The following RASA3 variants were observed in gnomAD, a reference collection of about 807,000 sequenced individuals.
The protein encoded by RASA3 is RAS p21 protein activator 3.
In RASA3, 73 loss-of-function variants were observed where a neutral mutation model predicts 110.0. That is an observed-to-expected ratio of 0.66 (90% CI 0.55 to 0.81). RASA3 has a LOEUF of 0.81. Among genes scored for constraint, RASA3 ranks in the 30% least tolerant of loss-of-function variants. The pLI, the probability that RASA3 is intolerant of heterozygous loss-of-function variation, is 0.00. For missense variants in RASA3, 976 were observed against 1,113.2 expected (o/e 0.88, Z 1.75); for synonymous variants, 500 against 451.4 (o/e 1.11, Z -1.37).
intron 1 of RASA3, among the ~76,000 whole-genome samples, chr13:114,111,235 C>G (rs113690280): frequency 2.6e-4 from 4 of 15,460 alleles, no homozygotes; most frequent in Non-Finnish European, 4.6e-4. Context: ...AGCTGCAGGC[C>G]GAGTTCTAAC....
At chr13:113,993,954 G>A (rs903756048) in intron 21 of RASA3, among the ~76,000 whole-genome samples, 3 of 152,106 alleles carry the variant, frequency 2.0e-5, no homozygotes, top group South Asian at 2.1e-4. Flanking sequence ...TGATAGGAAC[G>A]CGCGGGGCTG....
chr13:114,076,429 C>G (rs1052535993), intron 1 of RASA3, among the ~76,000 whole-genome samples: 1 of 152,116 alleles, frequency 6.6e-6, no homozygotes, highest in African/African-American at 2.4e-5. Context: ...GGCCTCAGGT[C>G]GGTCATCCCA....
chr13:114,098,703 G>A (rs1006315424), intron 1 of RASA3, among the ~76,000 whole-genome samples: 1 of 152,118 alleles, frequency 6.6e-6, no homozygotes, highest in African/African-American at 2.4e-5. Context: ...CCCAGACCCA[G>A]GGAAGAAGGA....
Position 114,013,186 on chromosome 13 carries a change from C to A in RASA3, c.1468G>T (p.Ala490Ser), listed in dbSNP as rs774825655. The change falls in exon 15 of 24, where the codon GCC (alanine) becomes TCC (serine). Residue 490 changes from alanine to serine, a missense_variant. Ala to Ser is a moderately conservative substitution (Grantham distance 99, BLOSUM62 1). Coordinates refer to ENST00000334062, the MANE Select transcript of RASA3 (RefSeq NM_007368.4). ...SFIFLRFFAP[A>S]ILSPNLFQLT... ...TGGAAGAGGTTGGGGGAGAGAATGG[C>A]GGGCGCAAAGAACCTCAGGAAGATG... The A allele has an allele frequency of 5.0e-6, 8 of 1,613,390 alleles. No homozygotes were observed. The highest frequency in any genetic ancestry group is 6.8e-6 in the Non-Finnish European group (8 of 1,179,736).
chr13:114,026,827 C>T (rs1262806629), intron 7 of RASA3, among the ~76,000 whole-genome samples: 4 of 152,230 alleles, frequency 2.6e-5, no homozygotes, highest in South Asian at 4.1e-4. Context: ...CCTCACTCCA[C>T]GAGATGCAGC....
chr13:114,106,853 G>A (rs889528036), intron 1 of RASA3, among the ~76,000 whole-genome samples: 7 of 152,206 alleles, frequency 4.6e-5, no homozygotes, highest in African/African-American at 4.8e-5. Context: ...AAAGCTCTGC[G>A]TATGTTTAAA....
chr13:114,054,857 C>G (rs2079211099), intron 2 of RASA3, among the ~76,000 whole-genome samples: 1 of 152,264 alleles, frequency 6.6e-6, no homozygotes, highest in Admixed American at 6.5e-5. Flanking sequence ...GTCGTTGACG[C>G]AGCGAGCCAT....
At chr13:114,058,712 G>A (rs746563164) in intron 2 of RASA3, among the ~76,000 whole-genome samples, 21 of 152,210 alleles carry the variant, frequency 1.4e-4, no homozygotes, top group South Asian at 2.1e-4. Flanking sequence ...GGACTATGCC[G>A]ACCCGCAGTC....
Position 114,007,474 on chromosome 13 carries a change from G to A in RASA3, c.1742+59C>T, listed in dbSNP as rs369105248. The A allele has an allele frequency of 1.1e-3, 1,085 of 958,002 alleles. 254 individuals carry two copies. In the South Asian group the frequency reaches 0.015, roughly 13 times the overall value. 59.3% of individuals were successfully genotyped at this position (958,002 alleles called of 1,614,324 possible). On this transcript the variant is annotated intron_variant, in intron 18 of 23. Coordinates refer to ENST00000334062, the MANE Select transcript of RASA3 (RefSeq NM_007368.4). ...TACCCTTCTCCCCTCCTGCCCTGCT[G>A]GACACCACCTTACCCTTCTCCCCTC... is the stretch of plus-strand genomic sequence containing the variant.
chr13:114,087,161 G>A (rs2079829876), intron 1 of RASA3, among the ~76,000 whole-genome samples: 2 of 100,620 alleles, frequency 2.0e-5, no homozygotes, highest in South Asian at 4.1e-4. Context: ...CTTCGTCCTC[G>A]CGGGGAAATC....
intron 4 of RASA3, among the ~76,000 whole-genome samples, chr13:114,037,637 G>A (rs2054303390): frequency 6.6e-6 from 1 of 152,188 alleles, no homozygotes; most frequent in Non-Finnish European, 1.5e-5. Flanking sequence ...CTATACCACT[G>A]AATTGGACAT....
Position 114,055,110 on chromosome 13 carries a change from G to C in RASA3, c.174-2955C>G, listed in dbSNP as rs1344315505. On this transcript the variant is annotated intron_variant, in intron 2 of 23. Coordinates refer to ENST00000334062, the MANE Select transcript of RASA3 (RefSeq NM_007368.4). ...TGTGCATGTGTGTGCCCGTATGTGT[G>C]TCCCCACAGGCAGGTGTGCATGTTC... Among the ~76,000 whole-genome samples the C allele has an allele frequency of 2.6e-5, 4 of 151,850 alleles. No homozygotes were observed. In the East Asian group the frequency reaches 7.7e-4, roughly 29 times the overall value.
At chr13:113,993,211 C>T (rs554123729) in intron 21 of RASA3, among the ~76,000 whole-genome samples, 1 of 152,116 alleles carries the variant, frequency 6.6e-6, no homozygotes, top group Non-Finnish European at 1.5e-5. Flanking sequence ...TTCACACCAG[C>T]ACACGTCAGG....
At chr13:114,070,592 C>A (rs61973920) in intron 2 of RASA3, among the ~76,000 whole-genome samples, 33,295 of 151,164 alleles carry the variant, frequency 0.22, 3,712 homozygotes, top group East Asian at 0.3. Flanking sequence ...GGGCTGCCAG[C>A]GTCCACACTA....
At chr13:114,036,979 C>T (rs1390750342) in intron 4 of RASA3, among the ~76,000 whole-genome samples, 2 of 152,152 alleles carry the variant, frequency 1.3e-5, no homozygotes, top group Non-Finnish European at 2.9e-5. Flanking sequence ...AATGACCTTG[C>T]CTCCTCCCTT....
intron 1 of RASA3, among the ~76,000 whole-genome samples, chr13:114,075,059 G>T (rs1192281237): frequency 6.6e-6 from 1 of 152,146 alleles, no homozygotes; most frequent in African/African-American, 2.4e-5. Flanking sequence ...TGGCAGTGGC[G>T]TCTCCACGAC....
intron 20 of RASA3, among the ~76,000 whole-genome samples, chr13:113,999,250 G>A (rs144179484): frequency 2.0e-5 from 3 of 152,134 alleles, no homozygotes; most frequent in Non-Finnish European, 4.4e-5. Context: ...AATTCCAGAC[G>A]GTCCCAAGCC....
Position 114,065,071 on chromosome 13 carries a change from T to C in RASA3, c.173+8649A>G, listed in dbSNP as rs2079422687. On this transcript the variant is annotated intron_variant, in intron 2 of 23. Transcript: ENST00000334062. This position sits in a 1 kb window ranked among gnomAD's most constrained non-coding sequence, Gnocchi z 4.1. Reference sequence around the variant, plus strand: ...TCACGGGGAAAAAAGAAAAAACCTCTTGCAGAAAACAGAGTTGACCTTTAA... The same window carrying C: ...TCACGGGGAAAAAAGAAAAAACCTCCTGCAGAAAACAGAGTTGACCTTTAA... Among the ~76,000 whole-genome samples the C allele has an allele frequency of 6.6e-6, 1 of 152,240 alleles. No individual in the cohort carries two copies.
chr13:114,079,339 AC>A (rs897609743), intron 1 of RASA3, among the ~76,000 whole-genome samples: 4 of 152,062 alleles, frequency 2.6e-5, no homozygotes, highest in Non-Finnish European at 5.9e-5. Flanking sequence ...AGCGAAAGCA[AC>A]CCCGTCCCAG....
Sources: allele counts gnomAD v4.1 joint callset (sites outside exome capture counted in the v4.1 genomes callset), GRCh38; gene constraint gnomAD v4.1.1; non-coding constraint Gnocchi (gnomAD v3.1); transcripts MANE v1.5; gene names NCBI Gene and HGNC (gene_info 2026-07-23, HGNC 2026-07-21).